PCSK2: variants seen among roughly 807,000 people sequenced by gnomAD.
PCSK2 encodes proprotein convertase subtilisin/kexin type 2.
PCSK2 carries 14 observed loss-of-function variants against 69.7 expected under a neutral mutation model. The ratio of observed to expected loss-of-function variants is 0.20; its 90% CI spans 0.13 to 0.31. The LOEUF (loss-of-function observed/expected upper bound fraction) is 0.31. Among genes scored for constraint, PCSK2 ranks in the 10% least tolerant of loss-of-function variants. The pLI is 1.00. For missense variants in PCSK2, 544 were observed against 842.5 expected, an observed-to-expected ratio of 0.65 and a Z score of 4.39; for synonymous variants, 307 against 320.7, an observed-to-expected ratio of 0.96 and a Z score of 0.46.
At position 17,438,501 on chromosome 20, in the gene PCSK2, A is replaced by G. The variant is rs547938595; in HGVS notation, c.885+1618A>G. Reference sequence around the variant, plus strand: ...GAACTGGCCCGGGGTTTGAGAACATAGTGGATGAGCTGTTCAGGGGGCAGG... The same window carrying G: ...GAACTGGCCCGGGGTTTGAGAACATGGTGGATGAGCTGTTCAGGGGGCAGG... On this transcript the variant is annotated intron_variant, in intron 8 of 11. Transcript: ENST00000262545. Among the ~76,000 whole-genome samples the G allele has an allele frequency of 2.0e-5, 3 of 152,264 alleles. No homozygotes were observed. The South Asian group carries it at 6.2e-4, about 32-fold the overall frequency.
chr20:17,462,041 C>T (rs555107825), intron 10 of PCSK2, among the ~76,000 whole-genome samples: 1 of 152,282 alleles, frequency 6.6e-6, no homozygotes, highest in South Asian at 2.1e-4. Context: ...TCCTGATGAT[C>T]AGAATCCTGG....
chr20:17,440,464 G>A (rs1003271299), intron 8 of PCSK2, among the ~76,000 whole-genome samples: 3 of 152,164 alleles, frequency 2.0e-5, no homozygotes, highest in Non-Finnish European at 4.4e-5. Flanking sequence ...CAGACAATGG[G>A]TTGGACGGGT....
At chr20:17,241,504 C>T (rs1986570405) in intron 1 of PCSK2, among the ~76,000 whole-genome samples, 1 of 152,162 alleles carries the variant, frequency 6.6e-6, no homozygotes, top group African/African-American at 2.4e-5. Flanking sequence ...TTGGAGAAGC[C>T]TTGATCTCTG....
intron 8 of PCSK2, among the ~76,000 whole-genome samples, chr20:17,451,547 T>C (rs560192176): frequency 2.0e-5 from 3 of 152,246 alleles, no homozygotes; most frequent in Non-Finnish European, 2.9e-5. Context: ...TCAGAGAACA[T>C]AGGAGTTCTT....
chr20:17,447,698 A>G (rs1002963043), intron 8 of PCSK2, among the ~76,000 whole-genome samples: 1 of 152,238 alleles, frequency 6.6e-6, no homozygotes, highest in African/African-American at 2.4e-5. Flanking sequence ...CATTTTAAAC[A>G]TAAAGCACTT....
intron 11 of PCSK2, among the ~76,000 whole-genome samples, chr20:17,474,302 G>A (rs753377826): frequency 1.6e-4 from 24 of 152,154 alleles, no homozygotes; most frequent in Admixed American, 5.2e-4. Context: ...GTGTGGTGGC[G>A]TTGATGCTCC....
chr20:17,306,352 C>T (rs1353738702), intron 2 of PCSK2, among the ~76,000 whole-genome samples: 2 of 152,084 alleles, frequency 1.3e-5, no homozygotes, highest in African/African-American at 4.8e-5. Flanking sequence ...ATAAGCCCTT[C>T]GGTGACTGAA....
intron 5 of PCSK2, among the ~76,000 whole-genome samples, chr20:17,373,379 C>T (rs1265900757): frequency 6.6e-6 from 1 of 152,110 alleles, no homozygotes; most frequent in Non-Finnish European, 1.5e-5. Flanking sequence ...ACAACTTCGT[C>T]AGTCATTGGT....
intron 6 of PCSK2, among the ~76,000 whole-genome samples, chr20:17,410,746 A>C (rs1167760974): frequency 6.6e-6 from 1 of 152,220 alleles, no homozygotes; most frequent in Non-Finnish European, 1.5e-5. Flanking sequence ...AAACCATTTC[A>C]GACACAAGAA....
intron 2 of PCSK2, among the ~76,000 whole-genome samples, chr20:17,347,352 T>C (rs1232790742): frequency 1.3e-5 from 2 of 152,114 alleles, no homozygotes; most frequent in Non-Finnish European, 2.9e-5. Context: ...CCTCTCCAGA[T>C]CCCTGTTTGG....
chr20:17,358,133 C>A (rs2030267875), intron 2 of PCSK2, among the ~76,000 whole-genome samples, 194 bp from the exon 3 acceptor site: 1 of 151,084 alleles, frequency 6.6e-6, no homozygotes, highest in Non-Finnish European at 1.5e-5. Flanking sequence ...TAGCGAGACC[C>A]CCCCTAATCT....
At chr20:17,284,023 G>A (rs1031089358) in intron 2 of PCSK2, among the ~76,000 whole-genome samples, 6 of 151,990 alleles carry the variant, frequency 3.9e-5, no homozygotes, top group African/African-American at 1.2e-4. Context: ...CATTTATATC[G>A]TTCACAGGAA....
chr20:17,331,085 G>A (rs192185693), intron 2 of PCSK2, among the ~76,000 whole-genome samples: 157 of 152,264 alleles, frequency 1.0e-3, no homozygotes, highest in African/African-American at 3.5e-3. Flanking sequence ...AGGAGATGGG[G>A]ATTGAAAATG....
intron 1 of PCSK2, 128 bp from the exon 2 acceptor site, chr20:17,260,112 T>A: frequency 1.5e-6 from 1 of 677,388 alleles, no homozygotes; most frequent in East Asian, 2.5e-5. Flanking sequence ...GACAGGAGGT[T>A]TGCCAGTGGT....
At chr20:17,362,558 G>T (rs546460903) in intron 4 of PCSK2, among the ~76,000 whole-genome samples, 26 of 152,284 alleles carry the variant, frequency 1.7e-4, no homozygotes, top group Non-Finnish European at 2.8e-4. Context: ...CATGGAGTCT[G>T]AGGACCTCTC....
chr20:17,299,059 G>A (rs866153268), intron 2 of PCSK2, among the ~76,000 whole-genome samples: 2 of 152,024 alleles, frequency 1.3e-5, no homozygotes, highest in Non-Finnish European at 2.9e-5. Context: ...AATTTTTAAT[G>A]TACAGAAAGT....
chr20:17,446,089 G>A (rs751846298), intron 8 of PCSK2, among the ~76,000 whole-genome samples: 8 of 152,164 alleles, frequency 5.3e-5, no homozygotes, highest in Non-Finnish European at 7.4e-5. Flanking sequence ...AAATTCACCC[G>A]AGGTTAGAAG....
intron 11 of PCSK2, among the ~76,000 whole-genome samples, chr20:17,472,147 G>C (rs1290089888): frequency 1.3e-5 from 2 of 152,230 alleles, no homozygotes; most frequent in African/African-American, 4.8e-5. Context: ...CAGCCAGCTG[G>C]GAGTGACCTG....
chr20:17,318,674 A>C (rs1354950371), intron 2 of PCSK2, among the ~76,000 whole-genome samples: 2 of 152,238 alleles, frequency 1.3e-5, no homozygotes, highest in Non-Finnish European at 2.9e-5. Context: ...TCCACGGGGC[A>C]TTCCACCCAA....
Sources: allele counts gnomAD v4.1 joint callset (sites outside exome capture counted in the v4.1 genomes callset), GRCh38; gene constraint gnomAD v4.1.1; transcripts MANE v1.5; gene names NCBI Gene and HGNC (gene_info 2026-07-23, HGNC 2026-07-21).